The following CEP128 variants were observed in gnomAD, a reference collection of about 807,000 sequenced individuals.
CEP128 encodes centrosomal protein 128.
In CEP128, 132 loss-of-function variants were observed where a neutral mutation model predicts 156.7. That is an observed-to-expected ratio of 0.84 (90% CI 0.73 to 0.97). CEP128 has a LOEUF of 0.97. Among genes scored for constraint, CEP128 ranks in the 50% least tolerant of loss-of-function variants. The pLI is 0.00. For synonymous variants in CEP128, 469 were observed against 448.9 expected, an observed-to-expected ratio of 1.04 and a Z score of -0.57; for missense variants, 1,252 against 1,281.9, an observed-to-expected ratio of 0.98 and a Z score of 0.36.
At chr14:80,949,521 C>T (rs1886416983) in intron 2 of CEP128, among the ~76,000 whole-genome samples, 1 of 152,026 alleles carries the variant, frequency 6.6e-6, no homozygotes, top group Admixed American at 6.5e-5. Flanking sequence ...CACAGGGGAC[C>T]AGGAACAGTG....
At chr14:80,700,939 G>A (rs141931871) in intron 19 of CEP128, among the ~76,000 whole-genome samples, 114 of 152,252 alleles carry the variant, frequency 7.5e-4, no homozygotes, top group African/African-American at 2.6e-3. Context: ...ATATAGGAGA[G>A]TCTGCTCCTT....
rs748081905 is a variant in CEP128 at position 80,792,865 on chromosome 14, T to C, written c.1455A>G (p.Lys485=). Reference sequence around the variant, plus strand: ...TCCACTGCCTAATGGATTCTTGAGCTTTCAGTTTCAGGTCTTCCCTCCTCT... The same window carrying C: ...TCCACTGCCTAATGGATTCTTGAGCCTTCAGTTTCAGGTCTTCCCTCCTCT... ...AEKRREDLKL[K]AQESIRQWKL... is the part of the protein sequence containing the mutation. The change falls in exon 14 of 25, where the codon AAA becomes AAG. Residue 485 remains lysine, a synonymous_variant. Transcript: ENST00000555265. 2 of 1,614,204 alleles carry C rather than the reference T, an allele frequency of 1.2e-6. No individual in the cohort carries two copies. Among genetic ancestry groups the C allele is most frequent in the South Asian group, 2.2e-5 (2 of 91,086 alleles).
intron 19 of CEP128, among the ~76,000 whole-genome samples, chr14:80,600,812 C>G (rs1892549266): frequency 6.6e-6 from 1 of 151,868 alleles, no homozygotes. Context: ...AATTATAAGT[C>G]TGAGTTGATA....
chr14:80,493,360 T>C (rs149074663), downstream of CEP128, among the ~76,000 whole-genome samples: 930 of 152,330 alleles, frequency 6.1e-3, 2 homozygotes, highest in South Asian at 0.03. Context: ...TTCTCATTTA[T>C]GTGCTCAAAG....
intron 18 of CEP128, among the ~76,000 whole-genome samples, chr14:80,744,898 T>C (rs1388130168): frequency 6.6e-6 from 1 of 152,152 alleles, no homozygotes; most frequent in African/African-American, 2.4e-5. Flanking sequence ...CCAACTGCCA[T>C]TTCCCCAGGT....
chr14:80,514,144 T>C (rs187608393), intron 23 of CEP128, among the ~76,000 whole-genome samples: 20 of 152,190 alleles, frequency 1.3e-4, no homozygotes, highest in Non-Finnish European at 1.8e-4. Context: ...AATTTACCTA[T>C]AGCCTGGAAG....
chr14:80,868,317 A>G (rs147437683), intron 8 of CEP128, among the ~76,000 whole-genome samples: 1 of 152,326 alleles, frequency 6.6e-6, no homozygotes, highest in Non-Finnish European at 1.5e-5. Context: ...TATAGCTGCT[A>G]TAATTTTAAT....
At chr14:80,787,165 C>T (rs1412512597) in intron 14 of CEP128, among the ~76,000 whole-genome samples, 1 of 152,138 alleles carries the variant, frequency 6.6e-6, no homozygotes, top group Non-Finnish European at 1.5e-5. Context: ...AGGTATTCAG[C>T]TTAAGGTCTC....
At chr14:80,578,229 A>G (rs1595035545) in intron 20 of CEP128, among the ~76,000 whole-genome samples, 2 of 152,318 alleles carry the variant, frequency 1.3e-5, no homozygotes, top group East Asian at 3.9e-4. Flanking sequence ...TTGCCTTTGT[A>G]TCCCTAGCAC....
At chr14:80,860,639 C>A (rs1457448416) in intron 9 of CEP128, among the ~76,000 whole-genome samples, 1 of 151,818 alleles carries the variant, frequency 6.6e-6, no homozygotes, top group Non-Finnish European at 1.5e-5. Context: ...AAAAAGCTTA[C>A]CCACATGCTG....
chr14:80,572,329 C>G (rs908860900), intron 20 of CEP128, among the ~76,000 whole-genome samples: 1 of 152,156 alleles, frequency 6.6e-6, no homozygotes, highest in Admixed American at 6.5e-5. Context: ...AGATTTGTTT[C>G]ATGAGTCAAT....
intron 19 of CEP128, among the ~76,000 whole-genome samples, chr14:80,729,124 TGTG>T (rs1324405047): frequency 3.0e-4 from 34 of 114,982 alleles, no homozygotes; most frequent in African/African-American, 8.8e-4. Context: ...TGTGTGTGTG[TGTG>T]TTTACCCAGT....
At chr14:80,569,156 T>C (rs1891037363) in intron 20 of CEP128, among the ~76,000 whole-genome samples, 1 of 152,194 alleles carries the variant, frequency 6.6e-6, no homozygotes, top group African/African-American at 2.4e-5. Context: ...AATTTGACTA[T>C]AATAATTTCA....
chr14:80,860,345 G>T (rs1887455826), intron 9 of CEP128, among the ~76,000 whole-genome samples: 1 of 152,184 alleles, frequency 6.6e-6, no homozygotes, highest in South Asian at 2.1e-4. Flanking sequence ...CTATTGTATT[G>T]TCAGAGATGG....
chr14:80,736,884 T>A (rs1194530860), intron 19 of CEP128, among the ~76,000 whole-genome samples: 3 of 152,216 alleles, frequency 2.0e-5, no homozygotes, highest in African/African-American at 7.2e-5. Flanking sequence ...TATCGTTAAT[T>A]TAATTCTGGT....
intron 19 of CEP128, among the ~76,000 whole-genome samples, chr14:80,645,577 G>A (rs1894599412): frequency 6.6e-6 from 1 of 152,118 alleles, no homozygotes; most frequent in Non-Finnish European, 1.5e-5. Context: ...ACCAAAAGCT[G>A]GTGAGGATGT....
chr14:80,855,628 A>C (rs980831690), intron 9 of CEP128, among the ~76,000 whole-genome samples: 3 of 152,072 alleles, frequency 2.0e-5, no homozygotes, highest in Admixed American at 2.0e-4. Flanking sequence ...ATCAAACAAA[A>C]GTTTTACAAC....
At chr14:80,619,205 C>A (rs1033481314) in intron 19 of CEP128, among the ~76,000 whole-genome samples, 5 of 151,972 alleles carry the variant, frequency 3.3e-5, no homozygotes, top group Non-Finnish European at 5.9e-5. Flanking sequence ...TATGTGAAAT[C>A]CCCATTTAGA....
intron 20 of CEP128, among the ~76,000 whole-genome samples, chr14:80,561,975 T>A (rs1016955707): frequency 1.3e-5 from 2 of 151,406 alleles, no homozygotes; most frequent in Non-Finnish European, 2.9e-5. Flanking sequence ...TCGCCCAGGC[T>A]GGAGTGCAGT....
Sources: gnomAD v4.1 joint callset for allele counts (sites outside exome capture counted in the v4.1 genomes callset) on GRCh38, gnomAD v4.1.1 for gene constraint, MANE v1.5 for transcripts, NCBI Gene and HGNC (gene_info 2026-07-23, HGNC 2026-07-21) for gene names.